The following HDLBP variants were observed in gnomAD, a reference collection of about 807,000 sequenced individuals.
The protein encoded by HDLBP is vigilin.
In HDLBP, 30 loss-of-function variants were observed where a neutral mutation model predicts 137.3. The ratio of observed to expected loss-of-function variants is 0.22; its 90% CI spans 0.16 to 0.30. HDLBP has a LOEUF of 0.30. Among genes scored for constraint, HDLBP ranks in the 10% least tolerant of loss-of-function variants. HDLBP has a pLI of 1.00. For synonymous variants in HDLBP, 606 were observed against 596.0 expected (o/e 1.02, Z -0.24); for missense variants, 1,119 against 1,667.3 (o/e 0.67, Z 5.73).
chr2:241,272,196 G>A lies in HDLBP; in HGVS notation c.-102-3655C>T, dbSNP rs2074105691. ...TGACGCGGGCCCCGCGCGGCAGGTG[G>A]AGGTGCTGCGGGGGCCCCGCCGCCC... On this transcript the variant is annotated intron_variant, in intron 1 of 27. Coordinates refer to ENST00000310931, the MANE Select transcript of HDLBP (RefSeq NM_005336.6). The surrounding 1 kb of genome is among the most constrained non-coding windows in gnomAD (Gnocchi z 5.6). 1.0e-6 allele frequency: 1 copy of A among 984,872 alleles called. No homozygotes were observed. The highest frequency in any genetic ancestry group is 1.7e-5 in the African/African-American group (1 of 57,216). The allele number at this position is 984,872 out of a possible 1,614,324, so 61.0% of individuals were successfully genotyped here.
rs759268352 is a variant in HDLBP at position 241,233,784 on chromosome 2, C to T, written c.3288+36G>A. 1.2e-6 allele frequency: 2 copies of T among 1,612,844 alleles called. No individual in the cohort carries two copies. Among genetic ancestry groups the T allele is most frequent in the Admixed American group, 1.7e-5 (1 of 59,996 alleles). ...AAGTCACAGGAAAGGTCAACAAGCA[C>T]CTCTGCCCCCGACACGCTCCAACCG... is the stretch of plus-strand genomic sequence containing the variant. On this transcript the variant is annotated intron_variant, in intron 24 of 27. Coordinates refer to ENST00000310931, the MANE Select transcript of HDLBP (RefSeq NM_005336.6). The surrounding 1 kb of genome is among the most constrained non-coding windows in gnomAD (Gnocchi z 4.3).
At chr2:241,295,803 A>G (rs1575039289) in intron 1 of HDLBP, among the ~76,000 whole-genome samples, 1 of 152,198 alleles carries the variant, frequency 6.6e-6, no homozygotes, top group Admixed American at 6.5e-5. Flanking sequence ...AGAGGGAGGC[A>G]GGGGTGGGAA....
intron 2 of HDLBP, among the ~76,000 whole-genome samples, chr2:241,268,174 C>T (rs777899772): frequency 9.9e-5 from 15 of 152,126 alleles, no homozygotes; most frequent in Non-Finnish European, 2.2e-4. Flanking sequence ...AAAGTTAAGG[C>T]CTGCAATCCT....
Position 241,236,618 on chromosome 2 carries a change from C to G in HDLBP, c.2901G>C (p.Leu967=), listed in dbSNP as rs147886287. 6.2e-7 allele frequency: 1 copy of G among 1,613,846 alleles called. No individual in the cohort carries two copies. The highest frequency in any genetic ancestry group is 1.3e-5 in the African/African-American group (1 of 74,920). The part of the protein sequence containing the change: ...KEKCEAAKEA[L]EALVPVTIEV... ...AGGGGGGCACATGGACACATACCTC[C>G]AGAGCTTCCTTGGCAGCCTCACACT... The change falls in exon 21 of 28, where the codon CTG becomes CTC. Residue 967 remains leucine (L), a synonymous_variant. Transcript: ENST00000310931.
intron 1 of HDLBP, among the ~76,000 whole-genome samples, chr2:241,279,692 T>C (rs1004583677): frequency 2.0e-5 from 3 of 152,166 alleles, no homozygotes; most frequent in Non-Finnish European, 2.9e-5. Context: ...AGGTCCTTAT[T>C]TGACACCATT....
At position 241,239,749 on chromosome 2, in the gene HDLBP, C is replaced by G. The variant is rs762530439; in HGVS notation, c.2463G>C (p.Gln821His). ...ACTCTTCAGCAATCTCCCGCAAGACCTGGCCTCTGCGGATGACGAAGTGGC... is the reference window on the plus strand; with the variant it reads ...ACTCTTCAGCAATCTCCCGCAAGACGTGGCCTCTGCGGATGACGAAGTGGC... Reference protein sequence around the residue: ...HHRHFVIRRGQVLREIAEEYG... With the variant: ...HHRHFVIRRGHVLREIAEEYG... The change falls in exon 19 of 28, where the codon CAG becomes CAC. Residue 821 changes from glutamine to histidine, a missense_variant. Gln to His is a conservative substitution (Grantham distance 24). Around this residue, in one of 4 missense-constraint regions of HDLBP, gnomAD observed 618 missense variants for 816.7 expected, o/e 0.76. Coordinates refer to ENST00000310931, the MANE Select transcript of HDLBP (RefSeq NM_005336.6). This position sits in a 1 kb window ranked among gnomAD's most constrained non-coding sequence, Gnocchi z 4.6. 1.2e-6 allele frequency: 2 copies of G among 1,614,222 alleles called. No homozygotes were observed. The highest frequency in any genetic ancestry group is 8.5e-7 in the Non-Finnish European group (1 of 1,180,044).
At chr2:241,258,561 C>T (rs761778017) in intron 5 of HDLBP, among the ~76,000 whole-genome samples, 22 of 151,724 alleles carry the variant, frequency 1.5e-4, no homozygotes, top group Admixed American at 3.3e-4. Flanking sequence ...ACTCGAAAGC[C>T]GTATGGAAAA....
intron 1 of HDLBP, among the ~76,000 whole-genome samples, chr2:241,273,387 G>A (rs1299487296): frequency 6.6e-6 from 1 of 151,856 alleles, no homozygotes; most frequent in African/African-American, 2.4e-5. Flanking sequence ...CCTTTAAAGC[G>A]TGTATTACTT....
Position 241,249,802 on chromosome 2 carries a change from G to A in HDLBP, c.1512+39C>T, listed in dbSNP as rs758263115. On this transcript the variant is annotated intron_variant, in intron 12 of 27. Coordinates refer to ENST00000310931, the MANE Select transcript of HDLBP (RefSeq NM_005336.6). The stretch of plus-strand genomic sequence containing the variant: ...CCTTAGAGGGGGCCAAGAGACGCAA[G>A]GCCAGTGCCTTTCTAGAGGGCCCAG... 2.0e-4 allele frequency: 312 copies of A among 1,564,058 alleles called. 1 individual carries two copies. The highest frequency in any genetic ancestry group is 2.6e-4 in the Non-Finnish European group (299 of 1,159,466).
chr2:241,249,364 A>C, intron 12 of HDLBP: 1 of 471,808 alleles, frequency 2.1e-6, no homozygotes, highest in Non-Finnish European at 4.4e-6. Flanking sequence ...TCACAGAAGC[A>C]AGGGTGCTCA....
At chr2:241,293,549 C>T (rs1249920246) in intron 1 of HDLBP, among the ~76,000 whole-genome samples, 1 of 150,972 alleles carries the variant, frequency 6.6e-6, no homozygotes, top group African/African-American at 2.4e-5. Context: ...GAGGTTGAGC[C>T]TGCAGTGAGC....
Position 241,236,847 on chromosome 2 carries a change from T to C in HDLBP, c.2750-78A>G. 6 of 1,467,764 alleles carry C rather than the reference T, an allele frequency of 4.1e-6. No individual in the cohort carries two copies. In the South Asian group the frequency reaches 6.2e-5, roughly 15 times the overall value. 90.9% of individuals were successfully genotyped at this position (1,467,764 alleles called of 1,614,324 possible). A position where few individuals can be genotyped will look rare whatever the true frequency, so the allele number is the denominator to read the frequency against. ...ACCTTGTTCAGAATGCATATGTCTG[T>C]GAGGCACCTGCTGGGTGCTGGGTGG... On this transcript the variant is annotated intron_variant, in intron 20 of 27. Transcript: ENST00000310931.
chr2:241,259,874 T>A (rs1278290742), intron 5 of HDLBP, among the ~76,000 whole-genome samples: 1 of 152,198 alleles, frequency 6.6e-6, no homozygotes, highest in African/African-American at 2.4e-5. Context: ...GACTGGAGTC[T>A]CCAACTGCAA....
At chr2:241,267,950 C>A in intron 2 of HDLBP, 1 of 985,312 alleles carries the variant, frequency 1.0e-6, no homozygotes, top group Non-Finnish European at 1.2e-6. Context: ...AAATGGGGTA[C>A]ATTCAGCATT....
intron 1 of HDLBP, chr2:241,268,761 T>C (rs904786989): frequency 2.6e-5 from 4 of 152,298 alleles, no homozygotes; most frequent in African/African-American, 9.7e-5. Flanking sequence ...CAGCTCCAAC[T>C]TGCAGAGGAC....
chr2:241,247,423 A>G, intron 14 of HDLBP: 2 of 451,724 alleles, frequency 4.4e-6, no homozygotes, highest in South Asian at 4.4e-5. Flanking sequence ...CAGAACACAC[A>G]TGGAGACAGC....
chr2:241,248,872 C>G (rs1273388752), intron 12 of HDLBP, among the ~76,000 whole-genome samples: 1 of 152,094 alleles, frequency 6.6e-6, no homozygotes, highest in African/African-American at 2.4e-5. Context: ...ATTAAAATGT[C>G]AGAAGAAATA....
At chr2:241,253,292 T>C in intron 10 of HDLBP, 101 bp downstream of exon 10, 1 of 848,524 alleles carries the variant, frequency 1.2e-6, no homozygotes, top group East Asian at 2.4e-5. Context: ...CCTGGGTGTC[T>C]GTGCCCGGAC....
intron 5 of HDLBP, 94 bp downstream of exon 5, chr2:241,262,617 A>ATACC (rs2073295686): frequency 4.4e-6 from 4 of 902,568 alleles, no homozygotes; most frequent in African/African-American, 1.6e-5. Flanking sequence ...TCCCACTGGT[A>ATACC]GGAAGGGTCC....
Sources: allele counts gnomAD v4.1 joint callset (sites outside exome capture counted in the v4.1 genomes callset), GRCh38; gene constraint gnomAD v4.1.1; regional missense constraint gnomAD v4.1.1; non-coding constraint Gnocchi (gnomAD v3.1); transcripts MANE v1.5; gene names NCBI Gene and HGNC (gene_info 2026-07-23, HGNC 2026-07-21).